Variants in SLIT3 observed in about 807,000 individuals in gnomAD.
SLIT3 encodes slit guidance ligand 3.
A neutral mutation model predicts 184.0 loss-of-function variants in SLIT3; 68 were observed. That is an observed-to-expected ratio of 0.37 (90% CI 0.30 to 0.45). The LOEUF (loss-of-function observed/expected upper bound fraction) is 0.45, where lower values mean the gene tolerates loss of function less well. SLIT3 is among the 20% of genes least tolerant of loss of function. SLIT3 has a pLI of 1.00. For synonymous variants in SLIT3, 831 were observed against 828.6 expected (o/e 1.00, Z -0.05); for missense variants, 1,707 against 2,026.0 (o/e 0.84, Z 3.02).
Position 168,734,801 on chromosome 5 carries a change from G to A in SLIT3, c.2271-10317C>T, listed in dbSNP as rs549882486. On this transcript the variant is annotated intron_variant, in intron 20 of 35. Coordinates refer to ENST00000519560, the MANE Select transcript of SLIT3 (RefSeq NM_003062.4). ...GCTCACCACAGCATTCTCGCACTCT[G>A]CCTGGCAACAGCAGATGCTCAGGAA... Among the ~76,000 whole-genome samples the A allele has an allele frequency of 4.2e-3, 636 of 152,244 alleles. 2 individuals are homozygous for A. The highest frequency in any genetic ancestry group is 6.1e-3 in the Non-Finnish European group (413 of 68,018).
intron 4 of SLIT3, among the ~76,000 whole-genome samples, chr5:169,156,331 G>A (rs1057254818): frequency 6.6e-5 from 10 of 152,314 alleles, no homozygotes; most frequent in Admixed American, 1.3e-4. Flanking sequence ...ACATGCACAC[G>A]TGTACAGGGC....
intron 4 of SLIT3, among the ~76,000 whole-genome samples, chr5:168,927,704 C>T (rs1761874371): frequency 6.6e-6 from 1 of 152,246 alleles, no homozygotes; most frequent in Admixed American, 6.5e-5. Context: ...AGCTGCTCTA[C>T]ATCGCAGGGC....
chr5:168,993,563 C>G (rs1484203307), intron 4 of SLIT3, among the ~76,000 whole-genome samples: 1 of 152,172 alleles, frequency 6.6e-6, no homozygotes, highest in African/African-American at 2.4e-5. Context: ...TCTGAAGGCC[C>G]TTTTGTCTTA....
intron 4 of SLIT3, among the ~76,000 whole-genome samples, chr5:169,093,544 G>A (rs1168260872): frequency 1.3e-5 from 2 of 152,182 alleles, no homozygotes; most frequent in Non-Finnish European, 2.9e-5. Context: ...GATCATTCCT[G>A]AAAATGTTCT....
At chr5:169,244,282 T>G (rs184770037) in intron 3 of SLIT3, among the ~76,000 whole-genome samples, 5 of 152,316 alleles carry the variant, frequency 3.3e-5, no homozygotes, top group South Asian at 2.1e-4. Context: ...CAGAGAACAC[T>G]CAGGGAGGAG....
At chr5:168,792,619 T>C (rs1476103286) in intron 10 of SLIT3, among the ~76,000 whole-genome samples, 1 of 152,186 alleles carries the variant, frequency 6.6e-6, no homozygotes, top group Non-Finnish European at 1.5e-5. Flanking sequence ...CTGGAGCTTG[T>C]GGAATGAGTT....
intron 4 of SLIT3, among the ~76,000 whole-genome samples, chr5:169,089,796 A>T (rs296005): frequency 0.61 from 93,025 of 152,068 alleles, 28,944 homozygotes; most frequent in Admixed American, 0.7. Flanking sequence ...ACCATAGATT[A>T]ACTTGAGTGA....
At chr5:168,718,711 C>T (rs1437066632) in intron 23 of SLIT3, among the ~76,000 whole-genome samples, 2 of 150,322 alleles carry the variant, frequency 1.3e-5, no homozygotes, top group Admixed American at 6.6e-5. Flanking sequence ...CACACACACA[C>T]ACACACACAC....
At chr5:169,266,585 GATCATAA>G (rs1157974831) in intron 1 of SLIT3, among the ~76,000 whole-genome samples, 1 of 152,174 alleles carries the variant, frequency 6.6e-6, no homozygotes, top group Non-Finnish European at 1.5e-5. Context: ...TGACAATATG[GATCATAA>G]GCCACCTACC....
intron 4 of SLIT3, among the ~76,000 whole-genome samples, chr5:168,944,815 G>A (rs1762423557): frequency 6.6e-6 from 1 of 152,160 alleles, no homozygotes; most frequent in South Asian, 2.1e-4. Context: ...TTCGTATGGT[G>A]ACTTGATGGC....
At chr5:169,041,041 T>C (rs1175174095) in intron 4 of SLIT3, among the ~76,000 whole-genome samples, 1 of 152,252 alleles carries the variant, frequency 6.6e-6, no homozygotes, top group Non-Finnish European at 1.5e-5. Context: ...GTTTACTGGA[T>C]GAATATTCCA....
rs564130756 is a variant in SLIT3, at chr5:168,718,582, A to G, written c.2483+3674T>C. ...TTTCGCTATTTTCAGATTCGGAGCCAAGTAGAAAAAGCATTTTCCACACAA... is the reference window on the plus strand; with the variant it reads ...TTTCGCTATTTTCAGATTCGGAGCCGAGTAGAAAAAGCATTTTCCACACAA... On this transcript the variant is annotated intron_variant, in intron 23 of 35. Coordinates refer to ENST00000519560, the MANE Select transcript of SLIT3 (RefSeq NM_003062.4). Among the ~76,000 whole-genome samples the G allele has an allele frequency of 9.9e-5, 15 of 152,204 alleles. No homozygotes were observed. The South Asian group carries it at 3.1e-3, about 32-fold the overall frequency.
At position 168,669,873 on chromosome 5, in the gene SLIT3, T is replaced by C. The variant is rs747394440; in HGVS notation, c.4246A>G (p.Lys1416Glu). ...NDSANACSAF[K>E]CHHGQCHISD... ...ATGTGGCACTGCCCATGGTGACACTTGAAGGCTGAGCAGGCATTGGCAGAG... is the reference window on the plus strand; with the variant it reads ...ATGTGGCACTGCCCATGGTGACACTCGAAGGCTGAGCAGGCATTGGCAGAG... The change falls in exon 35 of 36, where the codon AAG (lysine) becomes GAG (glutamate). Residue 1416 changes from lysine to glutamate, a missense_variant. Coordinates refer to ENST00000519560, the MANE Select transcript of SLIT3 (RefSeq NM_003062.4). The C allele has an allele frequency of 1.2e-6, 2 of 1,614,190 alleles. No individual in the cohort carries two copies. The highest frequency in any genetic ancestry group is 4.5e-5 in the East Asian group (2 of 44,886).
intron 14 of SLIT3, chr5:168,768,161 T>C (rs770721901): frequency 4.6e-5 from 24 of 520,878 alleles, no homozygotes; most frequent in Non-Finnish European, 9.4e-5. Context: ...GAGAGCACGG[T>C]GCTTTCCGCG....
intron 3 of SLIT3, among the ~76,000 whole-genome samples, chr5:169,207,828 T>C (rs1764125699): frequency 6.6e-6 from 1 of 152,156 alleles, no homozygotes; most frequent in South Asian, 2.1e-4. Flanking sequence ...ATGAATGGGA[T>C]TAGTGCTTCC....
At chr5:169,010,165 G>T (rs17666792) in intron 4 of SLIT3, among the ~76,000 whole-genome samples, 1 of 152,022 alleles carries the variant, frequency 6.6e-6, no homozygotes, top group South Asian at 2.1e-4. Context: ...AAAAAGTGGC[G>T]GTGTGGAATG....
At chr5:168,725,507 A>G (rs944503812) in intron 20 of SLIT3, among the ~76,000 whole-genome samples, 2 of 152,196 alleles carry the variant, frequency 1.3e-5, no homozygotes, top group Admixed American at 1.3e-4. Context: ...TAAAGCTCCC[A>G]TAGCATCCTC....
rs115341183 is a variant in SLIT3 at position 169,101,698 on chromosome 5, G to A, written c.413+91781C>T. Reference sequence around the variant, plus strand: ...AAGAAAAATGATCCTTAATGATCCTGCCACTCGCTACCCCTCTCTGGTCTC... The same window carrying A: ...AAGAAAAATGATCCTTAATGATCCTACCACTCGCTACCCCTCTCTGGTCTC... On this transcript the variant is annotated intron_variant, in intron 4 of 35. Transcript: ENST00000519560. Among the ~76,000 whole-genome samples the A allele has an allele frequency of 8.7e-3, 1,324 of 152,252 alleles. 30 individuals carry two copies. The highest frequency in any genetic ancestry group is 0.031 in the African/African-American group (1,280 of 41,540).
At chr5:169,119,100 A>G (rs1760788771) in intron 4 of SLIT3, among the ~76,000 whole-genome samples, 1 of 152,202 alleles carries the variant, frequency 6.6e-6, no homozygotes, top group East Asian at 1.9e-4. Flanking sequence ...CTACTAAACC[A>G]TGATACTTGG....
Sources: gnomAD v4.1 joint callset for allele counts (sites outside exome capture counted in the v4.1 genomes callset) on GRCh38, gnomAD v4.1.1 for gene constraint, MANE v1.5 for transcripts, NCBI Gene and HGNC (gene_info 2026-07-23, HGNC 2026-07-21) for gene names.